Variants in ADIPOR2 observed in about 807,000 individuals in gnomAD.
The protein encoded by ADIPOR2 is adiponectin receptor protein 2.
A neutral mutation model predicts 40.9 loss-of-function variants in ADIPOR2; 18 were observed. The ratio of observed to expected loss-of-function variants is 0.44; its 90% confidence interval spans 0.30 to 0.65. The LOEUF is 0.65. Among genes scored for constraint, ADIPOR2 ranks in the 30% least tolerant of loss-of-function variants. The probability of loss-of-function intolerance (pLI) is 0.09; values close to 1 mark genes in which losing one functional copy is unlikely to be tolerated. For missense variants in ADIPOR2, 283 were observed against 479.2 expected, an observed-to-expected ratio of 0.59 and a Z score of 3.82; for synonymous variants, 165 against 166.4, an observed-to-expected ratio of 0.99 and a Z score of 0.06.
intron 3 of ADIPOR2, among the ~76,000 whole-genome samples, chr12:1,775,444 C>T (rs976543346): frequency 2.4e-4 from 37 of 152,244 alleles, no homozygotes; most frequent in African/African-American, 8.9e-4. Context: ...ACCACTAGAA[C>T]ATTTGTTTAG....
At chr12:1,717,940 A>G (rs1307567762) in intron 1 of ADIPOR2, among the ~76,000 whole-genome samples, 1 of 152,158 alleles carries the variant, frequency 6.6e-6, no homozygotes, top group East Asian at 1.9e-4. Context: ...TAATTTTATT[A>G]CCCTACCATG....
chr12:1,771,238 A>G (rs1592626670), intron 2 of ADIPOR2, among the ~76,000 whole-genome samples: 1 of 152,120 alleles, frequency 6.6e-6, no homozygotes, highest in South Asian at 2.1e-4. Flanking sequence ...AGTGGTGTAC[A>G]CCTGTAGCCC....
chr12:1,764,529 AAAAC>A lies in ADIPOR2; in HGVS notation c.172-8310_172-8307del, dbSNP rs1035111608. On this transcript the variant is annotated intron_variant, in intron 2 of 7. Transcript: ENST00000357103. Reference sequence around the variant, plus strand: ...TCTGTGTAAGAGGACCCTTCAAAGAAAAACAACAAAAACCTTATTAAAGTATTAA... The same window carrying A: ...TCTGTGTAAGAGGACCCTTCAAAGAAAACAAAAACCTTATTAAAGTATTAA... 1.5e-4 allele frequency among the ~76,000 whole-genome samples: 23 copies of A among 151,156 alleles called. 1 individual carries two copies. The highest frequency in any genetic ancestry group is 3.4e-3 in the Middle Eastern group (1 of 294).
chr12:1,741,218 C>A (rs10848568), intron 1 of ADIPOR2, among the ~76,000 whole-genome samples: 2 of 151,968 alleles, frequency 1.3e-5, no homozygotes, highest in African/African-American at 4.8e-5. Context: ...TTTTTCTGTT[C>A]GAAAGAGCAC....
Position 1,780,657 on chromosome 12 carries a change from G to A in ADIPOR2, c.650+20G>A, listed in dbSNP as rs767870. On this transcript the variant is annotated intron_variant, in intron 5 of 7. Coordinates refer to ENST00000357103, the MANE Select transcript of ADIPOR2 (RefSeq NM_024551.3). ...CTCTAAGTAAGTATCTGTAAAGTCC[G>A]TATTTTGGCCAATGATTTAGAGGTA... is the stretch of plus-strand genomic sequence containing the variant. The A allele has an allele frequency of 0.83, 1,270,972 of 1,533,030 alleles. 535,024 individuals are homozygous for A. Among genetic ancestry groups the A allele is most frequent in the East Asian group, 0.92 (39,296 of 42,592 alleles). 95.0% of individuals were successfully genotyped at this position (1,533,030 alleles called of 1,614,324 possible).
At position 1,717,496 on chromosome 12, in the gene ADIPOR2, G is replaced by A. The variant is rs568766855; in HGVS notation, c.-87+26305G>A. ...CAAGGCAGGTGGATCACCTGAGGTC[G>A]GGAGTTCGAGACCAGCCTGATGAAC... is the stretch of plus-strand genomic sequence containing the variant. On this transcript the variant is annotated intron_variant, in intron 1 of 7. Coordinates refer to ENST00000357103, the MANE Select transcript of ADIPOR2 (RefSeq NM_024551.3). Among the ~76,000 whole-genome samples the A allele has an allele frequency of 1.4e-4, 22 of 152,174 alleles. No homozygotes were observed. The South Asian group carries it at 2.9e-3, about 20-fold the overall frequency.
intron 2 of ADIPOR2, among the ~76,000 whole-genome samples, chr12:1,765,956 C>T (rs1481156972): frequency 1.8e-5 from 2 of 113,914 alleles, no homozygotes; most frequent in African/African-American, 7.6e-5. Context: ...GAAGGGATCC[C>T]ATCAGTCATT....
At chr12:1,716,157 TG>T (rs2094687251) in intron 1 of ADIPOR2, among the ~76,000 whole-genome samples, 1 of 152,154 alleles carries the variant, frequency 6.6e-6, no homozygotes, top group Non-Finnish European at 1.5e-5. Context: ...CACATAAAGA[TG>T]AGGAAAATTG....
chr12:1,707,910 C>G (rs776228456), intron 1 of ADIPOR2, among the ~76,000 whole-genome samples: 4 of 152,108 alleles, frequency 2.6e-5, no homozygotes, highest in Non-Finnish European at 5.9e-5. Flanking sequence ...TACTGAGTTA[C>G]AAGTTCTTTA....
intron 1 of ADIPOR2, among the ~76,000 whole-genome samples, chr12:1,715,527 C>G (rs2079517): frequency 2.0e-5 from 3 of 152,116 alleles, no homozygotes; most frequent in Non-Finnish European, 4.4e-5. Flanking sequence ...CCCGAGTTAT[C>G]GTGGCTTTAA....
chr12:1,764,336 T>C (rs1862329724), intron 2 of ADIPOR2, among the ~76,000 whole-genome samples: 1 of 152,182 alleles, frequency 6.6e-6, no homozygotes, highest in African/African-American at 2.4e-5. Context: ...TTTAATGCCT[T>C]CTTTGATCAC....
chr12:1,757,953 A>G (rs1862178399), intron 2 of ADIPOR2: 2 of 1,044,360 alleles, frequency 1.9e-6, no homozygotes, highest in Non-Finnish European at 3.0e-6. Context: ...CAATTTATCC[A>G]GCATCCAATG....
chr12:1,700,704 A>G (rs12310516), intron 1 of ADIPOR2, among the ~76,000 whole-genome samples: 1,790 of 152,102 alleles, frequency 0.012, 43 homozygotes, highest in African/African-American at 0.041. Flanking sequence ...CCAATTTTTC[A>G]GGGGTGAAAT....
intron 1 of ADIPOR2, among the ~76,000 whole-genome samples, chr12:1,748,302 G>A (rs1029947314): frequency 5.9e-5 from 9 of 152,134 alleles, no homozygotes; most frequent in African/African-American, 1.4e-4. Context: ...AGGCTGGAGT[G>A]CAGTGGCGCG....
chr12:1,751,759 A>T (rs1303231987), intron 1 of ADIPOR2, among the ~76,000 whole-genome samples: 1 of 151,838 alleles, frequency 6.6e-6, no homozygotes, highest in Non-Finnish European at 1.5e-5. Flanking sequence ...GGCTCAAGTG[A>T]TCCTCCTGCC....
At chr12:1,729,305 A>G (rs1234022427) in intron 1 of ADIPOR2, among the ~76,000 whole-genome samples, 2 of 151,940 alleles carry the variant, frequency 1.3e-5, no homozygotes, top group Admixed American at 6.6e-5. Flanking sequence ...ATATTTCTAG[A>G]CTTTCTTGAC....
At chr12:1,781,231 G>T (rs934475211) in intron 6 of ADIPOR2, among the ~76,000 whole-genome samples, 155 bp downstream of exon 6, 1 of 152,168 alleles carries the variant, frequency 6.6e-6, no homozygotes, top group South Asian at 2.1e-4. Context: ...GTTTTTTTAT[G>T]TAGTAGTCGT....
intron 1 of ADIPOR2, among the ~76,000 whole-genome samples, chr12:1,722,602 C>T (rs2094699982): frequency 6.6e-6 from 1 of 152,084 alleles, no homozygotes; most frequent in East Asian, 1.9e-4. Flanking sequence ...GGAATGGAGA[C>T]AGTGACAATA....
chr12:1,712,615 AG>A (rs1379806890), intron 1 of ADIPOR2, among the ~76,000 whole-genome samples: 4 of 152,062 alleles, frequency 2.6e-5, no homozygotes, highest in African/African-American at 9.7e-5. Context: ...AGCTTGTACT[AG>A]GGCCTGCTTT....
Sources: gnomAD v4.1 joint callset for allele counts (sites outside exome capture counted in the v4.1 genomes callset) on GRCh38, gnomAD v4.1.1 for gene constraint, MANE v1.5 for transcripts, NCBI Gene and HGNC (gene_info 2026-07-23, HGNC 2026-07-21) for gene names.